ABCA1: variants seen among roughly 807,000 people sequenced by gnomAD.
The protein encoded by ABCA1 is ATP binding cassette subfamily A member 1, also known as phospholipid-transporting ATPase ABCA1.
A neutral mutation model predicts 262.5 loss-of-function variants in ABCA1; 133 were observed. The ratio of observed to expected loss-of-function variants is 0.51; its 90% CI spans 0.44 to 0.59. The LOEUF (loss-of-function observed/expected upper bound fraction) is 0.59, where lower values mean the gene tolerates loss of function less well. Among genes scored for constraint, ABCA1 ranks in the 20% least tolerant of loss-of-function variants. The probability of loss-of-function intolerance (pLI) is 0.00; values close to 1 mark genes in which losing one functional copy is unlikely to be tolerated. For synonymous variants in ABCA1, 1,022 were observed against 1,043.5 expected, an observed-to-expected ratio of 0.98 and a Z score of 0.40; for missense variants, 2,452 against 2,777.5, an observed-to-expected ratio of 0.88 and a Z score of 2.63.
At chr9:104,904,604 C>T (rs1191054815) in intron 1 of ABCA1, among the ~76,000 whole-genome samples, 1 of 151,254 alleles carries the variant, frequency 6.6e-6, no homozygotes, top group Non-Finnish European at 1.5e-5. Flanking sequence ...AAGCAGTTTC[C>T]TAATCTGGAA....
intron 14 of ABCA1, among the ~76,000 whole-genome samples, 173 bp from the exon 15 acceptor site, chr9:104,829,311 A>G (rs1280946408): frequency 6.6e-6 from 1 of 152,242 alleles, no homozygotes; most frequent in East Asian, 1.9e-4. Flanking sequence ...GAGCAATGCA[A>G]TGTAGAGAGA....
rs370806603 is a variant in ABCA1, at chr9:104,832,762, C to T, written c.1321G>A (p.Asp441Asn). ...QEMDLVRMLL[D>N]SRDNDHFWEQ... Reference sequence around the variant, plus strand: ...CAAAAGTGGTCATTGTCCCTGCTGTCCAACAGCATCTGCCATTCCAGTGAG... The same window carrying T: ...CAAAAGTGGTCATTGTCCCTGCTGTTCAACAGCATCTGCCATTCCAGTGAG... The change falls in exon 12 of 50, where the codon GAC becomes AAC. Residue 441 changes from aspartate to asparagine, a missense_variant. By Grantham distance (23) the Asp-to-Asn change is conservative. This residue lies in a region of ABCA1 where 1,032 missense variants were observed against 1,089.7 expected (regional missense o/e 0.95). Transcript: ENST00000374736. 3.1e-6 allele frequency: 5 copies of T among 1,613,990 alleles called. No individual in the cohort carries two copies. Among genetic ancestry groups the T allele is most frequent in the Non-Finnish European group, 3.4e-6 (4 of 1,179,984 alleles).
rs746289740 is a variant in ABCA1 at position 104,818,684 on chromosome 9, G to A, written c.3441C>T (p.Ser1147=). ...SSLSSCRNSS[S]TVSYLKKEDS... The stretch of plus-strand genomic sequence containing the variant: ...TCACCTTTTTCAGGTATGACACAGT[G>A]CTACTACTGTTTCTGCAGGAACTGA... Residue 1147 remains serine (S), a synonymous_variant, in exon 23 of 50, where the codon AGC becomes AGT. Transcript: ENST00000374736. The A allele has an allele frequency of 1.2e-6, 2 of 1,613,228 alleles. No homozygotes were observed. The highest frequency in any genetic ancestry group is 1.7e-6 in the Non-Finnish European group (2 of 1,180,020).
At chr9:104,897,796 T>C (rs1299456919) in intron 2 of ABCA1, among the ~76,000 whole-genome samples, 2 of 152,170 alleles carry the variant, frequency 1.3e-5, no homozygotes, top group South Asian at 4.1e-4. Flanking sequence ...TAGAGATGGG[T>C]GTCACCACAT....
At chr9:104,896,033 A>G (rs1359292878) in intron 2 of ABCA1, among the ~76,000 whole-genome samples, 2 of 152,224 alleles carry the variant, frequency 1.3e-5, no homozygotes, top group South Asian at 2.1e-4. Flanking sequence ...TGGGGGATAA[A>G]AAAAGGAAAC....
chr9:104,786,680 C>T (rs975795461), intron 47 of ABCA1, among the ~76,000 whole-genome samples, 193 bp downstream of exon 47: 2 of 152,178 alleles, frequency 1.3e-5, no homozygotes, highest in African/African-American at 2.4e-5. Flanking sequence ...ATAATGTTTA[C>T]AATATATTAA....
chr9:104,812,854 G>T, intron 27 of ABCA1, 132 bp from the exon 28 acceptor site: 1 of 1,162,882 alleles, frequency 8.6e-7, no homozygotes, highest in South Asian at 1.3e-5. Flanking sequence ...CAGAAGTAAA[G>T]GGCTTTCATG....
intron 2 of ABCA1, among the ~76,000 whole-genome samples, chr9:104,896,659 A>G (rs1266195281): frequency 6.7e-6 from 1 of 150,040 alleles, no homozygotes; most frequent in Admixed American, 6.7e-5. Context: ...CCAAAACTAA[A>G]ACTACATATC....
chr9:104,896,711 C>CTTTTTTTTTTT lies in ABCA1; in HGVS notation c.66+6892_66+6902dup, dbSNP rs56710442. On this transcript the variant is annotated intron_variant, in intron 2 of 49. Transcript: ENST00000374736. Reference sequence around the variant, plus strand: ...AACTCCAAAATTGCTCCCTACACATCTTTTTTTTTTTTTTTTTTTTTTTTT... The same window carrying CTTTTTTTTTTT: ...AACTCCAAAATTGCTCCCTACACATCTTTTTTTTTTTTTTTTTTTTTTTTTTTTTTTTTTTT... Among the ~76,000 whole-genome samples, 7 of 37,008 alleles carry CTTTTTTTTTTT rather than the reference C, an allele frequency of 1.9e-4. 2 individuals carry two copies. Among genetic ancestry groups the CTTTTTTTTTTT allele is most frequent in the African/African-American group, 6.3e-4 (6 of 9,460 alleles). The allele number at this position is 37,008 out of a possible 152,430, so 24.3% of individuals were successfully genotyped here.
chr9:104,860,755 C>CTT (rs762423202), intron 6 of ABCA1, among the ~76,000 whole-genome samples: 37,756 of 115,650 alleles, frequency 0.33, 7,704 homozygotes, highest in African/African-American at 0.52. Flanking sequence ...TTATAAAATT[C>CTT]TTTTTTTTTT....
intron 2 of ABCA1, 33 bp from the exon 3 acceptor site, chr9:104,889,228 T>C: frequency 2.5e-6 from 4 of 1,607,294 alleles, no homozygotes; most frequent in Non-Finnish European, 3.4e-6. Flanking sequence ...CACTGTAAAT[T>C]TAAAAATAAT....
At chr9:104,784,748 A>G (rs1828768810) in intron 49 of ABCA1, among the ~76,000 whole-genome samples, 1 of 152,152 alleles carries the variant, frequency 6.6e-6, no homozygotes, top group Admixed American at 6.5e-5. Context: ...GGTTCGAGCA[A>G]TTCTCCTGCC....
intron 14 of ABCA1, among the ~76,000 whole-genome samples, chr9:104,829,943 T>TATAC (rs1285353725): frequency 1.4e-5 from 2 of 140,802 alleles, no homozygotes; most frequent in African/African-American, 5.1e-5. Flanking sequence ...TCCTGATCCC[T>TATAC]ACACACACAC....
intron 1 of ABCA1, among the ~76,000 whole-genome samples, chr9:104,910,829 G>A (rs1032827377): frequency 2.6e-5 from 4 of 151,806 alleles, no homozygotes; most frequent in South Asian, 2.1e-4. Context: ...CTCAGCCTCC[G>A]GAGTAGCTGG....
intron 5 of ABCA1, among the ~76,000 whole-genome samples, chr9:104,882,037 A>C (rs969624388): frequency 8.2e-5 from 11 of 133,816 alleles, no homozygotes; most frequent in African/African-American, 2.0e-4. Context: ...TTAAAAAAAA[A>C]AAAAAAAAAA....
intron 7 of ABCA1, among the ~76,000 whole-genome samples, chr9:104,853,159 T>C (rs1454135009): frequency 1.3e-5 from 2 of 152,206 alleles, no homozygotes; most frequent in African/African-American, 2.4e-5. Flanking sequence ...GGGAATGTGC[T>C]AGGCACACTG....
chr9:104,911,708 G>C (rs757458661), intron 1 of ABCA1, among the ~76,000 whole-genome samples: 4 of 152,120 alleles, frequency 2.6e-5, no homozygotes, highest in Non-Finnish European at 5.9e-5. Flanking sequence ...CACAGTTCCA[G>C]GGAAACTACC....
intron 11 of ABCA1, among the ~76,000 whole-genome samples, chr9:104,836,705 T>C (rs2119022118): frequency 6.6e-6 from 1 of 152,340 alleles, no homozygotes; most frequent in East Asian, 1.9e-4. Flanking sequence ...CTGCAATTAC[T>C]CAACTCCACT....
intron 2 of ABCA1, among the ~76,000 whole-genome samples, chr9:104,899,826 G>C (rs1744767840): frequency 1.3e-5 from 2 of 152,196 alleles, no homozygotes; most frequent in Admixed American, 6.5e-5. Context: ...GTTCCATGGG[G>C]ACCTTGGCCT....
Sources: allele counts gnomAD v4.1 joint callset (sites outside exome capture counted in the v4.1 genomes callset), GRCh38; gene constraint gnomAD v4.1.1; regional missense constraint gnomAD v4.1.1; transcripts MANE v1.5; gene names NCBI Gene and HGNC (gene_info 2026-07-23, HGNC 2026-07-21).